The following SUMF1 variants were observed in gnomAD, a reference collection of about 807,000 sequenced individuals.
SUMF1 encodes formylglycine-generating enzyme.
In SUMF1, 48 loss-of-function variants were observed where a neutral mutation model predicts 47.6. The ratio of observed to expected loss-of-function variants is 1.01; its 90% CI spans 0.80 to 1.28. The LOEUF (loss-of-function observed/expected upper bound fraction) is 1.28. SUMF1 is among the 50% of genes most tolerant of loss of function. The probability of loss-of-function intolerance (pLI) is 0.00; values close to 1 mark genes in which losing one functional copy is unlikely to be tolerated. For synonymous variants in SUMF1, 230 were observed against 192.1 expected (o/e 1.20, Z -1.63); for missense variants, 571 against 485.4 (o/e 1.18, Z -1.66).
At chr3:4,254,175 G>A (rs1696886257) in intron 8 of SUMF1, among the ~76,000 whole-genome samples, 1 of 151,986 alleles carries the variant, frequency 6.6e-6, no homozygotes, top group Admixed American at 6.6e-5. Context: ...AAACAGAACA[G>A]AAAAACTGGA....
At chr3:4,253,259 C>A (rs552964244) in intron 8 of SUMF1, among the ~76,000 whole-genome samples, 1 of 152,130 alleles carries the variant, frequency 6.6e-6, no homozygotes, top group African/African-American at 2.4e-5. Flanking sequence ...GGGGGAGGAG[C>A]CAAGATGGCC....
At chr3:4,130,288 C>T (rs565629531) in intron 8 of SUMF1, among the ~76,000 whole-genome samples, 20 of 152,312 alleles carry the variant, frequency 1.3e-4, no homozygotes, top group African/African-American at 4.6e-4. Flanking sequence ...ACCTGGTATG[C>T]AGCCATTGAC....
Position 4,211,121 on chromosome 3 carries a change from T to TATATATAC in SUMF1, c.1015-142377_1015-142376insGTATATAT, listed in dbSNP as rs150373609. 2.1e-3 allele frequency among the ~76,000 whole-genome samples: 270 copies of TATATATAC among 128,302 alleles called. 7 individuals carry two copies. The highest frequency in any genetic ancestry group is 7.6e-3 in the African/African-American group (254 of 33,332). The allele number at this position is 128,302 out of a possible 152,430, so 84.2% of individuals were successfully genotyped here. A position where few individuals can be genotyped will look rare whatever the true frequency, so the allele number is the denominator to read the frequency against. ...AAACTCCCATATATATATATATATA[T>TATATATAC]ACACACACACACACATATATACATA... is the stretch of plus-strand genomic sequence containing the variant. On this transcript the variant is annotated intron_variant and NMD_transcript_variant, in intron 8 of 12. Transcript: ENST00000448413.
chr3:4,312,341 T>C (rs1423983846), intron 8 of SUMF1, among the ~76,000 whole-genome samples: 1 of 152,112 alleles, frequency 6.6e-6, no homozygotes, highest in Admixed American at 6.5e-5. Flanking sequence ...TTTTCTGACA[T>C]CCAAAGATAA....
In SUMF1 at chr3:4,262,616, G is replaced by A. The variant is rs73117606; in HGVS notation, c.1014+113714C>T. ...AGACATAGCACAATGGCTACCAGCA[G>A]CTTTAGGCTTTACATTCTATTTTCT... On this transcript the variant is annotated intron_variant and NMD_transcript_variant, in intron 8 of 12. Transcript: ENST00000448413. Among the ~76,000 whole-genome samples, 900 of 152,256 alleles carry A rather than the reference G, an allele frequency of 5.9e-3. 7 individuals carry two copies. The highest frequency in any genetic ancestry group is 0.021 in the African/African-American group (858 of 41,552).
intron 8 of SUMF1, among the ~76,000 whole-genome samples, chr3:4,319,472 G>C (rs1361265846): frequency 6.6e-6 from 1 of 152,008 alleles, no homozygotes; most frequent in African/African-American, 2.4e-5. Context: ...TGAATGAGGG[G>C]GTCTGGCATC....
intron 8 of SUMF1, among the ~76,000 whole-genome samples, chr3:4,102,777 A>G (rs1370999343): frequency 6.6e-6 from 1 of 152,020 alleles, no homozygotes; most frequent in Non-Finnish European, 1.5e-5. Context: ...TGATAAATTA[A>G]TGTAGCTTAC....
chr3:4,042,600 T>C (rs981326666), intron 9 of SUMF1, among the ~76,000 whole-genome samples: 1 of 152,174 alleles, frequency 6.6e-6, no homozygotes, highest in Non-Finnish European at 1.5e-5. Flanking sequence ...AACAATTATG[T>C]AATTCTCCTC....
intron 8 of SUMF1, among the ~76,000 whole-genome samples, chr3:4,125,858 A>G (rs1437826597): frequency 6.6e-6 from 1 of 151,932 alleles, no homozygotes; most frequent in African/African-American, 2.4e-5. Flanking sequence ...TGTATTTTTC[A>G]TTGAGATAGA....
At chr3:4,217,878 T>C (rs1209739652) in intron 8 of SUMF1, among the ~76,000 whole-genome samples, 2 of 93,334 alleles carry the variant, frequency 2.1e-5, no homozygotes, top group African/African-American at 4.6e-5. Flanking sequence ...CAGGACTTCA[T>C]ATGGTCTTTG....
intron 8 of SUMF1, among the ~76,000 whole-genome samples, chr3:4,189,388 T>G (rs1272075844): frequency 6.6e-6 from 1 of 152,152 alleles, no homozygotes; most frequent in East Asian, 1.9e-4. Context: ...AGGGAAATTT[T>G]TAAAAGACAG....
intron 8 of SUMF1, among the ~76,000 whole-genome samples, chr3:4,075,243 A>C (rs1184230550): frequency 1.3e-5 from 2 of 152,160 alleles, no homozygotes; most frequent in Non-Finnish European, 2.9e-5. Flanking sequence ...GACAAAAACC[A>C]CATGATTATC....
intron 8 of SUMF1, among the ~76,000 whole-genome samples, chr3:4,185,308 C>T (rs557312740): frequency 2.8e-4 from 43 of 152,068 alleles, no homozygotes; most frequent in Admixed American, 7.9e-4. Flanking sequence ...GCCAGTACAC[C>T]AAAATAACCA....
At position 4,363,940 on chromosome 3, in the gene SUMF1, T is replaced by C. The variant is rs577674950; in HGVS notation, c.1015-1686A>G. On this transcript the variant is annotated intron_variant, in intron 8 of 8. Transcript: ENST00000272902. ...TGAGAGTTTTTAGCATGAAGGGTTGTTGAATTGTGTCAAAGGCCTTTTCTG... is the reference window on the plus strand; with the variant it reads ...TGAGAGTTTTTAGCATGAAGGGTTGCTGAATTGTGTCAAAGGCCTTTTCTG... Among the ~76,000 whole-genome samples the C allele has an allele frequency of 1.4e-3, 198 of 146,036 alleles. 1 individual carries two copies. Among genetic ancestry groups the C allele is most frequent in the African/African-American group, 4.6e-3 (180 of 38,772 alleles).
intron 9 of SUMF1, among the ~76,000 whole-genome samples, chr3:4,058,445 G>T (rs1431844793): frequency 6.6e-6 from 1 of 152,080 alleles, no homozygotes; most frequent in East Asian, 1.9e-4. Context: ...TCTGGGTGAT[G>T]TACTAGATAT....
chr3:4,217,539 T>TATATATATATATATA (rs1695961249), intron 8 of SUMF1, among the ~76,000 whole-genome samples: 1 of 108,070 alleles, frequency 9.3e-6, no homozygotes, highest in African/African-American at 3.7e-5. Context: ...TATATATATA[T>TATATATATATATATA]GAAGAAAAAG....
chr3:4,170,607 C>A (rs1032987610), intron 8 of SUMF1, among the ~76,000 whole-genome samples: 1 of 152,154 alleles, frequency 6.6e-6, no homozygotes, highest in African/African-American at 2.4e-5. Flanking sequence ...GTAATCAAGA[C>A]AGTGTAGTAT....
chr3:4,091,775 C>A (rs1326591973), intron 8 of SUMF1, among the ~76,000 whole-genome samples: 1 of 152,000 alleles, frequency 6.6e-6, no homozygotes, highest in Non-Finnish European at 1.5e-5. Flanking sequence ...GAGGCCCTTG[C>A]ATGGGACCAT....
chr3:4,253,780 T>G (rs2125013636), intron 8 of SUMF1, among the ~76,000 whole-genome samples: 1 of 146,414 alleles, frequency 6.8e-6, no homozygotes, highest in South Asian at 2.3e-4. Context: ...GAGGCCTGCC[T>G]GCCTCTGTAG....
Sources: gnomAD v4.1 joint callset for allele counts (sites outside exome capture counted in the v4.1 genomes callset) on GRCh38, gnomAD v4.1.1 for gene constraint, MANE v1.5 for transcripts, NCBI Gene and HGNC (gene_info 2026-07-23, HGNC 2026-07-21) for gene names.